Variants in PEAR1 observed in about 807,000 individuals in gnomAD.
PEAR1 encodes the protein platelet endothelial aggregation receptor 1.
PEAR1 carries 113 observed loss-of-function variants against 131.2 expected under a neutral mutation model. The observed-to-expected ratio is 0.86, with a 90% CI of 0.74 to 1.01. The LOEUF is 1.01. Ranked by LOEUF, PEAR1 falls within the 50% of genes least tolerant of loss-of-function variation. The probability of loss-of-function intolerance (pLI) is 0.00; values close to 1 mark genes in which losing one functional copy is unlikely to be tolerated. For synonymous variants in PEAR1, 565 were observed against 523.3 expected (o/e 1.08, Z -1.09); for missense variants, 1,408 against 1,391.1 (o/e 1.01, Z -0.19).
At position 156,915,220 on chromosome 1, in the gene PEAR1, C is replaced by A. The variant is rs911475402; in HGVS notation, c.*422C>A. On this transcript the variant is annotated 3_prime_UTR_variant, in exon 23 of 23. Coordinates refer to ENST00000292357, the MANE Select transcript of PEAR1 (RefSeq NM_001080471.3). ...TTACCATTTAGTAGGGAGATGGAAC[C>A]AACCCAATTAACTCTAGCAATAGCC... is the stretch of plus-strand genomic sequence containing the variant. 6 of 158,744 alleles carry A rather than the reference C, an allele frequency of 3.8e-5. No homozygotes were observed. Among genetic ancestry groups the A allele is most frequent in the Non-Finnish European group, 8.2e-5 (6 of 72,844 alleles). 9.8% of individuals were successfully genotyped at this position (158,744 alleles called of 1,614,324 possible).
intron 1 of PEAR1, among the ~76,000 whole-genome samples, chr1:156,895,661 G>A (rs920108926): frequency 2.0e-5 from 3 of 152,310 alleles, no homozygotes; most frequent in South Asian, 2.1e-4. Flanking sequence ...CAAAATGCCC[G>A]GAGGGAGAAA....
chr1:156,906,900 A>T lies in PEAR1; in HGVS notation c.644+20A>T. ...GCCCAGGTATGTAATGGGGGGAACGACACTTTAACAAGATCGCAGACACAA... is the reference window on the plus strand; with the variant it reads ...GCCCAGGTATGTAATGGGGGGAACGTCACTTTAACAAGATCGCAGACACAA... On this transcript the variant is annotated intron_variant, in intron 6 of 22. Transcript: ENST00000292357. 1 of 1,609,832 alleles carries T rather than the reference A, an allele frequency of 6.2e-7. No homozygotes were observed. The highest frequency in any genetic ancestry group is 8.5e-7 in the Non-Finnish European group (1 of 1,177,606).
At chr1:156,907,475 G>T in intron 6 of PEAR1, 135 bp from the exon 7 acceptor site, 3 of 1,425,634 alleles carry the variant, frequency 2.1e-6, no homozygotes, top group Admixed American at 2.6e-5. Context: ...TTTCTGACTC[G>T]ACAGTCCCCA....
At chr1:156,914,487 C>T (rs531081078) in intron 22 of PEAR1, among the ~76,000 whole-genome samples, 160 bp from the exon 23 acceptor site, 7 of 152,326 alleles carry the variant, frequency 4.6e-5, no homozygotes, top group South Asian at 2.1e-4. Context: ...TGCTTGGAGC[C>T]GCACGGCCAG....
chr1:156,903,143 A>T (rs1442047390), intron 1 of PEAR1, among the ~76,000 whole-genome samples: 1 of 152,078 alleles, frequency 6.6e-6, no homozygotes, highest in Non-Finnish European at 1.5e-5. Flanking sequence ...TGTTGCTAGG[A>T]AGAGATGCAT....
intron 3 of PEAR1, 161 bp downstream of exon 3, chr1:156,905,013 G>T (rs1165525920): frequency 1.3e-6 from 2 of 1,544,122 alleles, no homozygotes; most frequent in Non-Finnish European, 1.7e-6. Context: ...GTGTGTATGG[G>T]ATGTATATGT....
At chr1:156,906,403 G>A (rs748959992) in intron 5 of PEAR1, 35 bp downstream of exon 5, 2 of 1,609,716 alleles carry the variant, frequency 1.2e-6, no homozygotes, top group South Asian at 1.1e-5. Flanking sequence ...GTGGCCTCTT[G>A]TGCCTTCAGG....
chr1:156,909,120 G>A (rs1650741790), intron 11 of PEAR1, 84 bp downstream of exon 11: 3 of 1,572,026 alleles, frequency 1.9e-6, no homozygotes, highest in East Asian at 2.2e-5. Flanking sequence ...GGTGGGCCAA[G>A]GGCAGGGGAG....
In PEAR1 at chr1:156,905,437, T is replaced by C. The variant is rs919482993; in HGVS notation, c.307+13T>C. ...GGGTTCTGTGTCCGTGAGTCCAGGG[T>C]TGGGTTAGGGAGCGGGGTGGGGCAA... On this transcript the variant is annotated intron_variant, in intron 4 of 22. Coordinates refer to ENST00000292357, the MANE Select transcript of PEAR1 (RefSeq NM_001080471.3). 2 of 1,594,292 alleles carry C rather than the reference T, an allele frequency of 1.3e-6. No individual in the cohort carries two copies.
At position 156,909,875 on chromosome 1, in the gene PEAR1, C is replaced by G. The variant is rs1172119755; in HGVS notation, c.1536C>G (p.Thr512=). The G allele has an allele frequency of 6.2e-7, 1 of 1,610,978 alleles. No homozygotes were observed. Among genetic ancestry groups the G allele is most frequent in the African/African-American group, 1.3e-5 (1 of 75,004 alleles). ...CSPQTGACTC[T]PGWHGAHCQL... The stretch of plus-strand genomic sequence containing the variant: ...CCCAAACTGGAGCCTGTACCTGCAC[C>G]CCTGGGTGGCATGGGGCCCACTGCC... The change falls in exon 12 of 23, where the codon ACC becomes ACG. Residue 512 remains threonine (T), a synonymous_variant. Coordinates refer to ENST00000292357, the MANE Select transcript of PEAR1 (RefSeq NM_001080471.3).
At position 156,902,452 on chromosome 1, in the gene PEAR1, C is replaced by G. The variant is rs1226992092; in HGVS notation, c.-9-1466C>G. Among the ~76,000 whole-genome samples the G allele has an allele frequency of 6.6e-6, 1 of 152,090 alleles. No individual in the cohort carries two copies. The highest frequency in any genetic ancestry group is 1.5e-5 in the Non-Finnish European group (1 of 68,028). The stretch of plus-strand genomic sequence containing the variant: ...GTGGGCCAGCATCCTGGATGAAAGG[C>G]TGGAGATTTGGCTGCTGGAGGGTTA... On this transcript the variant is annotated intron_variant, in intron 1 of 22. Coordinates refer to ENST00000292357, the MANE Select transcript of PEAR1 (RefSeq NM_001080471.3). This position sits in a 1 kb window ranked among gnomAD's most constrained non-coding sequence, Gnocchi z 4.3.
intron 15 of PEAR1, among the ~76,000 whole-genome samples, chr1:156,911,139 CTTTT>C (rs780927419): frequency 5.9e-5 from 7 of 117,834 alleles, no homozygotes; most frequent in African/African-American, 1.7e-4. Context: ...TCCTTTCTTT[CTTTT>C]CTTTCTTTCT....
intron 3 of PEAR1, chr1:156,905,111 T>G: frequency 1.5e-6 from 2 of 1,295,570 alleles, no homozygotes; most frequent in South Asian, 2.6e-5. Flanking sequence ...GAATGCTCTT[T>G]CTTTTTTTAA....
At chr1:156,900,541 C>A (rs1329291595) in intron 1 of PEAR1, among the ~76,000 whole-genome samples, 1 of 152,196 alleles carries the variant, frequency 6.6e-6, no homozygotes, top group Non-Finnish European at 1.5e-5. Flanking sequence ...GCTTCCTCAT[C>A]TCTGAAGTGG....
At chr1:156,907,758 G>C (rs1361291419) in intron 7 of PEAR1, 28 bp downstream of exon 7, 3 of 1,594,168 alleles carry the variant, frequency 1.9e-6, no homozygotes, top group Non-Finnish European at 2.6e-6. Flanking sequence ...TGTGGGCATG[G>C]GGTGTGGGTC....
chr1:156,907,474 C>G, intron 6 of PEAR1, 136 bp from the exon 7 acceptor site: 2 of 1,424,636 alleles, frequency 1.4e-6, no homozygotes, highest in South Asian at 1.7e-5. Flanking sequence ...CTTTCTGACT[C>G]GACAGTCCCC....
Position 156,912,376 on chromosome 1 carries a change from G to C in PEAR1, c.2080+1G>C. On this transcript the variant is annotated splice_donor_variant, in intron 16 of 22. Coordinates refer to ENST00000292357, the MANE Select transcript of PEAR1 (RefSeq NM_001080471.3). LOFTEE classifies it high-confidence loss of function. ...TGGACTGGACACCACTGCTTAGAAG[G>C]TACCAACAGAAGGGGAACTCCAGGC... 1 of 1,611,674 alleles carries C rather than the reference G, an allele frequency of 6.2e-7. No homozygotes were observed. The highest frequency in any genetic ancestry group is 8.5e-7 in the Non-Finnish European group (1 of 1,178,984).
chr1:156,913,497 A>G lies in PEAR1; in HGVS notation c.2618A>G (p.Glu873Gly). The G allele has an allele frequency of 6.2e-7, 1 of 1,612,970 alleles. No individual in the cohort carries two copies. Among genetic ancestry groups the G allele is most frequent in the African/African-American group, 1.3e-5 (1 of 75,044 alleles). Residue 873 changes from glutamate (E) to glycine (G), a missense_variant, in exon 20 of 23, where the codon GAG becomes GGG. Coordinates refer to ENST00000292357, the MANE Select transcript of PEAR1 (RefSeq NM_001080471.3). ...TLPADWKHRR[E>G]PPPGPLDRGS... Reference sequence around the variant, plus strand: ...CCTGCTGACTGGAAGCACCGCCGGGAGCCCCCTCCAGGGCCTCTGGACAGG... The same window carrying G: ...CCTGCTGACTGGAAGCACCGCCGGGGGCCCCCTCCAGGGCCTCTGGACAGG...
intron 4 of PEAR1, 41 bp from the exon 5 acceptor site, chr1:156,906,235 G>A (rs375752340): frequency 6.3e-7 from 1 of 1,582,456 alleles, no homozygotes; most frequent in East Asian, 2.2e-5. Context: ...CTGGGTAGGG[G>A]CAGGGGTGGA....
Sources: allele counts gnomAD v4.1 joint callset (sites outside exome capture counted in the v4.1 genomes callset), GRCh38; gene constraint gnomAD v4.1.1; non-coding constraint Gnocchi (gnomAD v3.1); transcripts MANE v1.5; gene names NCBI Gene and HGNC (gene_info 2026-07-23, HGNC 2026-07-21).